FAM120A: variants seen among roughly 807,000 people sequenced by gnomAD.
FAM120A encodes the protein family with sequence similarity 120 member A.
A neutral mutation model predicts 109.7 loss-of-function variants in FAM120A; 15 were observed. The observed-to-expected ratio is 0.14, with a 90% CI of 0.09 to 0.21. The LOEUF is 0.21. FAM120A is among the 10% of genes least tolerant of loss of function. The probability of loss-of-function intolerance (pLI) is 1.00; values close to 1 mark genes in which losing one functional copy is unlikely to be tolerated. For synonymous variants in FAM120A, 493 were observed against 572.8 expected, an observed-to-expected ratio of 0.86 and a Z score of 1.99; for missense variants, 899 against 1,439.3, an observed-to-expected ratio of 0.62 and a Z score of 6.07.
intron 15 of FAM120A, among the ~76,000 whole-genome samples, chr9:93,559,938 A>G (rs1216311299): frequency 1.3e-5 from 2 of 152,226 alleles, no homozygotes. Flanking sequence ...TGGCTAGAAC[A>G]TGTAAAATAC....
intron 9 of FAM120A, among the ~76,000 whole-genome samples, chr9:93,531,848 G>A (rs1355911898): frequency 6.6e-6 from 1 of 152,126 alleles, no homozygotes; most frequent in Non-Finnish European, 1.5e-5. Context: ...TCTGTTTCTT[G>A]TCTGATGTTA....
At position 93,451,776 on chromosome 9, in the gene FAM120A, C is replaced by T; in HGVS notation, c.-140C>T. 1 of 981,320 alleles carries T rather than the reference C, an allele frequency of 1.0e-6. No homozygotes were observed. The highest frequency in any genetic ancestry group is 1.8e-5 in the African/African-American group (1 of 56,460). The allele number at this position is 981,320 out of a possible 1,614,324, so 60.8% of individuals were successfully genotyped here. On this transcript the variant is annotated 5_prime_UTR_variant, in exon 1 of 18. Transcript: ENST00000277165. The stretch of plus-strand genomic sequence containing the variant: ...GGCAGCACATGGCGGCCGCGGCGGC[C>T]ATGAGCGCGCCCCCGACCCGCCCCA...
intron 1 of FAM120A, among the ~76,000 whole-genome samples, chr9:93,461,438 A>G (rs1433821027): frequency 2.0e-5 from 3 of 152,188 alleles, no homozygotes; most frequent in African/African-American, 4.8e-5. Context: ...TCTTGAAATA[A>G]ATAGTATCAA....
chr9:93,551,400 A>T lies in FAM120A; in HGVS notation c.2274+709A>T, dbSNP rs183561616. On this transcript the variant is annotated intron_variant, in intron 12 of 17. Transcript: ENST00000277165. Reference sequence around the variant, plus strand: ...GTTGTAATTGCTTTCTAATTTCCATATTAAATTTTAGAAAGTTCAAGACTT... The same window carrying T: ...GTTGTAATTGCTTTCTAATTTCCATTTTAAATTTTAGAAAGTTCAAGACTT... Among the ~76,000 whole-genome samples the T allele has an allele frequency of 4.4e-3, 669 of 152,294 alleles. 3 individuals carry two copies. The highest frequency in any genetic ancestry group is 6.4e-3 in the Non-Finnish European group (438 of 68,020).
Position 93,529,337 on chromosome 9 carries a change from G to A in FAM120A, c.1507-16G>A. On this transcript the variant is annotated splice_polypyrimidine_tract_variant and intron_variant, in intron 8 of 17. Coordinates refer to ENST00000277165, the MANE Select transcript of FAM120A (RefSeq NM_014612.5). ...ACATACACTCGTTTTCCTCCCTTCT[G>A]CTCTCTGCACTGTAGGCAGAAGGCT... The A allele has an allele frequency of 1.3e-6, 2 of 1,576,890 alleles. No homozygotes were observed. Among genetic ancestry groups the A allele is most frequent in the Non-Finnish European group, 1.7e-6 (2 of 1,162,940 alleles).
intron 1 of FAM120A, among the ~76,000 whole-genome samples, chr9:93,463,236 T>C (rs1175177499): frequency 6.6e-6 from 1 of 152,232 alleles, no homozygotes; most frequent in Non-Finnish European, 1.5e-5. Context: ...AGGTATTCAG[T>C]GTCTCATTGT....
At chr9:93,467,897 T>C (rs1020874453) in intron 1 of FAM120A, among the ~76,000 whole-genome samples, 4 of 152,140 alleles carry the variant, frequency 2.6e-5, no homozygotes, top group African/African-American at 9.7e-5. Context: ...TCTTTTTTTT[T>C]TGAGACGGAG....
chr9:93,479,355 C>T (rs1272297367), intron 3 of FAM120A, among the ~76,000 whole-genome samples: 1 of 152,124 alleles, frequency 6.6e-6, no homozygotes, highest in African/African-American at 2.4e-5. Context: ...GCCTCGGCCT[C>T]CCAAAGTAGG....
At chr9:93,456,643 G>T (rs1053134061) in intron 1 of FAM120A, among the ~76,000 whole-genome samples, 7 of 152,136 alleles carry the variant, frequency 4.6e-5, no homozygotes, top group Admixed American at 4.6e-4. Flanking sequence ...GTAAAAACAG[G>T]ATCTAGTGAT....
chr9:93,453,792 C>T (rs1468402230), intron 1 of FAM120A, among the ~76,000 whole-genome samples: 2 of 152,140 alleles, frequency 1.3e-5, no homozygotes, highest in African/African-American at 2.4e-5. Flanking sequence ...TAAGGTGCTG[C>T]CATTTGTCTG....
intron 10 of FAM120A, among the ~76,000 whole-genome samples, chr9:93,533,014 C>A (rs1219340935): frequency 6.6e-6 from 1 of 152,096 alleles, no homozygotes; most frequent in East Asian, 1.9e-4. Flanking sequence ...GAAAATGATG[C>A]CTTTCTGTTC....
chr9:93,489,867 T>G (rs1859236837), intron 3 of FAM120A, among the ~76,000 whole-genome samples: 1 of 152,184 alleles, frequency 6.6e-6, no homozygotes, highest in African/African-American at 2.4e-5. Context: ...CTTGCAGGGC[T>G]TGGTCAAAAG....
At position 93,452,372 on chromosome 9, in the gene FAM120A, A is replaced by G; in HGVS notation, c.457A>G (p.Ile153Val). The G allele has an allele frequency of 6.2e-7, 1 of 1,609,626 alleles. No homozygotes were observed. Among genetic ancestry groups the G allele is most frequent in the Non-Finnish European group, 8.5e-7 (1 of 1,178,624 alleles). ...GGCCCACTGCATCCGCCTGGCGCTC[A>G]TCCGCTTCCACGTCAAGGTGAGGCC... ...CMAHCIRLAL[I>V]RFHVKVAQSI... Residue 153 changes from isoleucine to valine, a missense_variant, in exon 1 of 18, where the codon ATC (isoleucine) becomes GTC (valine). By Grantham distance (29) the Ile-to-Val change is conservative. Around this residue, in one of 11 missense-constraint regions of FAM120A, gnomAD observed 258 missense variants for 451.4 expected, o/e 0.57. Transcript: ENST00000277165. This position sits in a 1 kb window ranked among gnomAD's most constrained non-coding sequence, Gnocchi z 7.0.
intron 5 of FAM120A, among the ~76,000 whole-genome samples, chr9:93,511,446 C>T (rs1409717096): frequency 2.0e-5 from 3 of 152,202 alleles, no homozygotes; most frequent in African/African-American, 4.8e-5. Flanking sequence ...CCAGCCTGAC[C>T]GGCTCTGTGG....
intron 8 of FAM120A, 106 bp downstream of exon 8, chr9:93,527,348 G>A: frequency 8.3e-6 from 7 of 842,938 alleles, no homozygotes; most frequent in Non-Finnish European, 1.3e-5. Flanking sequence ...TTTTAATCGG[G>A]TCATGTAAAC....
intron 10 of FAM120A, among the ~76,000 whole-genome samples, chr9:93,538,961 G>A (rs34883241): frequency 0.28 from 42,280 of 151,246 alleles, 6,976 homozygotes; most frequent in East Asian, 0.42. Flanking sequence ...AGGAAAATGC[G>A]TTATAAATTT....
chr9:93,556,268 G>C, intron 12 of FAM120A, 114 bp from the exon 13 acceptor site: 1 of 785,650 alleles, frequency 1.3e-6, no homozygotes, highest in Non-Finnish European at 2.1e-6. Flanking sequence ...CTACTTAGTG[G>C]TGCTGTTTTG....
At chr9:93,469,645 G>T (rs2131253413) in intron 1 of FAM120A, among the ~76,000 whole-genome samples, 1 of 152,224 alleles carries the variant, frequency 6.6e-6, no homozygotes, top group Non-Finnish European at 1.5e-5. Flanking sequence ...TTCTATTTTA[G>T]CTGGTATACA....
intron 1 of FAM120A, among the ~76,000 whole-genome samples, chr9:93,461,377 G>A (rs1485090303): frequency 3.3e-5 from 5 of 152,184 alleles, no homozygotes. Flanking sequence ...AGACTCCATG[G>A]ATGAGGTGTT....
Sources: allele counts gnomAD v4.1 joint callset (sites outside exome capture counted in the v4.1 genomes callset), GRCh38; gene constraint gnomAD v4.1.1; regional missense constraint gnomAD v4.1.1; non-coding constraint Gnocchi (gnomAD v3.1); transcripts MANE v1.5; gene names NCBI Gene and HGNC (gene_info 2026-07-23, HGNC 2026-07-21).